The following UBAP2 variants were observed in gnomAD, a reference collection of about 807,000 sequenced individuals.
The protein encoded by UBAP2 is ubiquitin associated protein 2.
In UBAP2, 75 loss-of-function variants were observed where a neutral mutation model predicts 139.6. The observed-to-expected ratio is 0.54, with a 90% CI of 0.45 to 0.65. UBAP2 has a LOEUF of 0.65. UBAP2 is among the 30% of genes least tolerant of loss of function. The pLI is 0.00. For missense variants in UBAP2, 1,368 were observed against 1,369.6 expected, an observed-to-expected ratio of 1.00 and a Z score of 0.02; for synonymous variants, 526 against 526.2, an observed-to-expected ratio of 1.00 and a Z score of 0.01.
chr9:33,933,107 T>C (rs1261867580), intron 18 of UBAP2, among the ~76,000 whole-genome samples: 1 of 152,148 alleles, frequency 6.6e-6, no homozygotes, highest in Non-Finnish European at 1.5e-5. Flanking sequence ...TCTTCAGCCA[T>C]GGAAAGTTCA....
chr9:34,008,089 C>T (rs1347215468), intron 2 of UBAP2, among the ~76,000 whole-genome samples: 1 of 151,924 alleles, frequency 6.6e-6, no homozygotes, highest in Non-Finnish European at 1.5e-5. Flanking sequence ...GAGCCGAGAT[C>T]GCGCCACTGC....
rs554347615 is a variant in UBAP2 at position 33,981,118 on chromosome 9, A to C, written c.520+5642T>G. Among the ~76,000 whole-genome samples the C allele has an allele frequency of 6.1e-4, 4 of 6,576 alleles. 1 individual carries two copies. Among genetic ancestry groups the C allele is most frequent in the South Asian group, 0.015 (2 of 132 alleles). 4.3% of individuals were successfully genotyped at this position (6,576 alleles called of 152,430 possible). A position where few individuals can be genotyped will look rare whatever the true frequency, so the allele number is the denominator to read the frequency against. On this transcript the variant is annotated intron_variant, in intron 6 of 28. Coordinates refer to ENST00000379238, the MANE Select transcript of UBAP2 (RefSeq NM_001370062.2). ...ATATATTCTGGATATATATATATAT[A>C]TATATATATATATATATATTCTGGA...
At chr9:34,041,972 C>T (rs1429965016) in intron 1 of UBAP2, among the ~76,000 whole-genome samples, 1 of 151,830 alleles carries the variant, frequency 6.6e-6, no homozygotes. Flanking sequence ...TTGCAGTGAG[C>T]CAGGATCGAG....
chr9:34,031,830 T>C (rs1430398627), intron 1 of UBAP2, among the ~76,000 whole-genome samples: 3 of 151,004 alleles, frequency 2.0e-5, no homozygotes, highest in Non-Finnish European at 4.4e-5. Context: ...ATCTATTTCC[T>C]ATGTATTAAC....
intron 7 of UBAP2, among the ~76,000 whole-genome samples, chr9:33,972,440 G>T (rs1827984374): frequency 6.6e-6 from 1 of 152,160 alleles, no homozygotes; most frequent in Admixed American, 6.5e-5. Context: ...TTCCTCAAAG[G>T]AGCTTAGGCA....
At chr9:33,979,727 CAAG>C (rs534537096) in intron 6 of UBAP2, among the ~76,000 whole-genome samples, 11 of 150,614 alleles carry the variant, frequency 7.3e-5, no homozygotes, top group Non-Finnish European at 1.6e-4. Context: ...CTAAAAAATA[CAAG>C]AAGTAGCTGA....
chr9:34,006,445 T>A (rs1823227082), intron 2 of UBAP2, among the ~76,000 whole-genome samples: 1 of 152,136 alleles, frequency 6.6e-6, no homozygotes, highest in African/African-American at 2.4e-5. Context: ...TTCAGAAGGC[T>A]GAGGCAGGCA....
At chr9:33,998,624 T>TA in intron 3 of UBAP2, 163 bp downstream of exon 3, 1 of 570,892 alleles carries the variant, frequency 1.8e-6, no homozygotes, top group Non-Finnish European at 3.0e-6. Flanking sequence ...TGCCCACCAA[T>TA]AAAGGTATTT....
intron 2 of UBAP2, among the ~76,000 whole-genome samples, chr9:34,014,421 G>C (rs757713620): frequency 4.0e-5 from 6 of 151,350 alleles, no homozygotes; most frequent in Non-Finnish European, 7.4e-5. Context: ...TTGGGCTCAG[G>C]TGTTGGAGAC....
intron 12 of UBAP2, 60 bp downstream of exon 12, chr9:33,953,217 ATATTCTAG>A: frequency 1.5e-6 from 2 of 1,372,938 alleles, no homozygotes; most frequent in Middle Eastern, 3.7e-4. Context: ...AGCATGTATC[ATATTCTAG>A]AATACATTTG....
At chr9:33,924,554 C>T (rs1251988382) in intron 22 of UBAP2, among the ~76,000 whole-genome samples, 1 of 152,244 alleles carries the variant, frequency 6.6e-6, no homozygotes, top group Non-Finnish European at 1.5e-5. Context: ...CCATTTGACA[C>T]CACAGGCAGG....
chr9:34,037,997 C>CAAAAAAAAA (rs72361484), intron 1 of UBAP2, among the ~76,000 whole-genome samples: 2 of 87,396 alleles, frequency 2.3e-5, no homozygotes, highest in African/African-American at 4.5e-5. Context: ...CCTGTCTCTA[C>CAAAAAAAAA]AAAAAAAAAA....
chr9:33,949,601 G>T (rs890563137), intron 12 of UBAP2, among the ~76,000 whole-genome samples: 4 of 152,272 alleles, frequency 2.6e-5, no homozygotes, highest in African/African-American at 7.2e-5. Context: ...TACTCCAGAG[G>T]CTGAGACAGG....
chr9:33,974,669 C>T (rs943978400), intron 6 of UBAP2, among the ~76,000 whole-genome samples: 6 of 150,304 alleles, frequency 4.0e-5, no homozygotes, highest in Admixed American at 2.0e-4. Flanking sequence ...AAATGGGCAA[C>T]GGCCAGGCCC....
At chr9:33,991,685 AAAT>A (rs1169509908) in intron 4 of UBAP2, among the ~76,000 whole-genome samples, 1 of 152,204 alleles carries the variant, frequency 6.6e-6, no homozygotes, top group African/African-American at 2.4e-5. Flanking sequence ...ATGCCAGAGA[AAAT>A]AATGCCCACA....
At chr9:33,926,585 C>G in intron 22 of UBAP2, 32 bp downstream of exon 22, 1 of 1,613,790 alleles carries the variant, frequency 6.2e-7, no homozygotes, top group Non-Finnish European at 8.5e-7. Context: ...GATTCTGAAC[C>G]CTCTGCTCCG....
intron 11 of UBAP2, among the ~76,000 whole-genome samples, chr9:33,953,909 CTTT>C (rs879881127): frequency 6.8e-6 from 1 of 146,340 alleles, no homozygotes. Flanking sequence ...ATAAGTTTCA[CTTT>C]TTTTTTTTTT....
chr9:34,002,189 A>G (rs1032616029), intron 2 of UBAP2, among the ~76,000 whole-genome samples: 3 of 152,064 alleles, frequency 2.0e-5, no homozygotes, highest in Middle Eastern at 3.4e-3. Flanking sequence ...CCTGAACTCA[A>G]GCAATCCTCC....
At chr9:33,977,607 G>A (rs1053019230) in intron 6 of UBAP2, among the ~76,000 whole-genome samples, 3 of 151,888 alleles carry the variant, frequency 2.0e-5, no homozygotes, top group Non-Finnish European at 4.4e-5. Flanking sequence ...GGTAAATGCT[G>A]TACCTTTCCT....
Sources: gnomAD v4.1 joint callset for allele counts (sites outside exome capture counted in the v4.1 genomes callset) on GRCh38, gnomAD v4.1.1 for gene constraint, MANE v1.5 for transcripts, NCBI Gene and HGNC (gene_info 2026-07-23, HGNC 2026-07-21) for gene names.